The following MIS18A variants were observed in gnomAD, a reference collection of about 807,000 sequenced individuals.
The protein encoded by MIS18A is protein Mis18-alpha.
MIS18A carries 14 observed loss-of-function variants against 25.0 expected under a neutral mutation model. That is an observed-to-expected ratio of 0.56 (90% CI 0.37 to 0.88). MIS18A has a LOEUF of 0.88. Ranked by LOEUF, MIS18A falls within the 40% of genes least tolerant of loss-of-function variation. The pLI is 0.00. For synonymous variants in MIS18A, 134 were observed against 118.6 expected, an observed-to-expected ratio of 1.13 and a Z score of -0.84; for missense variants, 292 against 290.8, an observed-to-expected ratio of 1.00 and a Z score of -0.03.
chr21:32,255,890 CAAAA>C, the MIS18A span, among the ~76,000 whole-genome samples: 2 of 105,516 alleles, frequency 1.9e-5, no homozygotes. Flanking sequence ...GACTCTGTCC[CAAAA>C]AAAAAAAAAA....
chr21:32,218,986 C>T, the MIS18A span, among the ~76,000 whole-genome samples: 2 of 150,710 alleles, frequency 1.3e-5, no homozygotes, highest in Admixed American at 6.6e-5. Context: ...GAAAATTGCT[C>T]GAACCCGGGA....
At chr21:32,240,342 G>A in the MIS18A span, among the ~76,000 whole-genome samples, 2 of 152,224 alleles carry the variant, frequency 1.3e-5, no homozygotes. Flanking sequence ...AGAGAGGAGA[G>A]TTGTCCCTTC....
the MIS18A span, among the ~76,000 whole-genome samples, chr21:32,175,317 G>A: frequency 6.6e-6 from 1 of 152,112 alleles, no homozygotes; most frequent in Admixed American, 6.6e-5. Context: ...TGAGTGGGGA[G>A]TGAATGTGAA....
chr21:32,216,314 T>C, the MIS18A span, among the ~76,000 whole-genome samples: 8 of 152,190 alleles, frequency 5.3e-5, no homozygotes, highest in Non-Finnish European at 1.2e-4. Context: ...TGACAGCCAC[T>C]GGAAGGAGAA....
the MIS18A span, among the ~76,000 whole-genome samples, chr21:32,168,925 T>A: frequency 6.6e-6 from 1 of 152,138 alleles, no homozygotes; most frequent in Non-Finnish European, 1.5e-5. Context: ...CAATTAAAAA[T>A]CAAAGATTGG....
chr21:32,245,198 G>C, the MIS18A span, among the ~76,000 whole-genome samples: 1 of 152,284 alleles, frequency 6.6e-6, no homozygotes, highest in Admixed American at 6.5e-5. Flanking sequence ...TGGTAGGCAG[G>C]ACCCTACAAT....
At chr21:32,207,233 G>A in the MIS18A span, among the ~76,000 whole-genome samples, 1 of 152,128 alleles carries the variant, frequency 6.6e-6, no homozygotes, top group Non-Finnish European at 1.5e-5. Flanking sequence ...GAGGAAAATG[G>A]ATAAATGCAA....
chr21:32,180,752 A>G, the MIS18A span, among the ~76,000 whole-genome samples: 1 of 152,176 alleles, frequency 6.6e-6, no homozygotes, highest in Non-Finnish European at 1.5e-5. Flanking sequence ...TTTAATTCTT[A>G]AGGAGCTTCT....
At chr21:32,225,982 G>T in the MIS18A span, among the ~76,000 whole-genome samples, 3 of 57,932 alleles carry the variant, frequency 5.2e-5, no homozygotes, top group Non-Finnish European at 9.4e-5. Context: ...CCTTTGTAGG[G>T]ACATGGATGA....
chr21:32,193,514 A>G, the MIS18A span, among the ~76,000 whole-genome samples: 1 of 106,166 alleles, frequency 9.4e-6, no homozygotes, highest in African/African-American at 3.2e-5. Flanking sequence ...ATAGATAGAT[A>G]GATAGATGGA....
the MIS18A span, among the ~76,000 whole-genome samples, chr21:32,221,785 CA>C: frequency 6.6e-6 from 1 of 151,052 alleles, no homozygotes; most frequent in African/African-American, 2.4e-5. Context: ...CTCAGCTACT[CA>C]GGAGGCTGAG....
the MIS18A span, among the ~76,000 whole-genome samples, chr21:32,235,905 C>T: frequency 6.6e-6 from 1 of 152,156 alleles, no homozygotes; most frequent in Non-Finnish European, 1.5e-5. Context: ...TCTCGGAAGG[C>T]ATTTCTCCTT....
the MIS18A span, among the ~76,000 whole-genome samples, chr21:32,252,762 T>C: frequency 6.6e-6 from 1 of 152,224 alleles, no homozygotes; most frequent in Non-Finnish European, 1.5e-5. Context: ...GTGTTGTCTT[T>C]ATAAATTTAG....
downstream of MIS18A, among the ~76,000 whole-genome samples, chr21:32,267,421 G>A (rs1021821179): frequency 1.3e-5 from 2 of 152,212 alleles, no homozygotes; most frequent in African/African-American, 4.8e-5. Context: ...CAGCCACTAA[G>A]GCATGAGCTA....
At chr21:32,205,321 G>T in the MIS18A span, among the ~76,000 whole-genome samples, 5 of 151,818 alleles carry the variant, frequency 3.3e-5, no homozygotes, top group African/African-American at 1.2e-4. Context: ...AGCCAGGGTG[G>T]TCTCAAACTC....
chr21:32,242,725 A>G, the MIS18A span, among the ~76,000 whole-genome samples: 2 of 152,204 alleles, frequency 1.3e-5, no homozygotes, highest in African/African-American at 4.8e-5. Flanking sequence ...CTTATCAAAA[A>G]GAATGTCCCT....
chr21:32,185,894 C>G, the MIS18A span, among the ~76,000 whole-genome samples: 1 of 152,198 alleles, frequency 6.6e-6, no homozygotes, highest in Non-Finnish European at 1.5e-5. Flanking sequence ...TAACTTCATC[C>G]TGCATTCTAG....
chr21:32,158,419 T>C, the MIS18A span, among the ~76,000 whole-genome samples: 2 of 152,120 alleles, frequency 1.3e-5, no homozygotes, highest in African/African-American at 2.4e-5. Context: ...TTTAGTTTTG[T>C]ATTAGTGCGC....
the MIS18A span, among the ~76,000 whole-genome samples, chr21:32,187,455 T>C: frequency 6.6e-6 from 1 of 152,162 alleles, no homozygotes; most frequent in East Asian, 1.9e-4. Flanking sequence ...TGAAACCAGT[T>C]AGTCATCTTG....
Sources: allele counts gnomAD v4.1 joint callset (sites outside exome capture counted in the v4.1 genomes callset), GRCh38; gene constraint gnomAD v4.1.1; transcripts MANE v1.5; gene names NCBI Gene and HGNC (gene_info 2026-07-23, HGNC 2026-07-21).